CNBD1: variants seen among roughly 807,000 people sequenced by gnomAD.
The protein encoded by CNBD1 is cyclic nucleotide-binding domain-containing protein 1.
In CNBD1, 71 loss-of-function variants were observed where a neutral mutation model predicts 54.4. The ratio of observed to expected loss-of-function variants is 1.30; its 90% CI spans 1.08 to 1.59. The LOEUF (loss-of-function observed/expected upper bound fraction) is 1.59. Ranked by LOEUF, CNBD1 falls within the 40% of genes most tolerant of loss-of-function variation. The pLI is 0.00. For missense variants in CNBD1, 659 were observed against 518.0 expected, an observed-to-expected ratio of 1.27 and a Z score of -2.64; for synonymous variants, 182 against 170.7, an observed-to-expected ratio of 1.07 and a Z score of -0.51.
intron 4 of CNBD1, among the ~76,000 whole-genome samples, chr8:86,999,498 C>T (rs1808948874): frequency 6.6e-6 from 1 of 151,724 alleles, no homozygotes; most frequent in South Asian, 2.1e-4. Flanking sequence ...CTCTTGGCTC[C>T]TGGCTGATTT....
intron 8 of CNBD1, among the ~76,000 whole-genome samples, chr8:87,342,430 C>T (rs1810084243): frequency 6.6e-6 from 1 of 152,104 alleles, no homozygotes; most frequent in Admixed American, 6.5e-5. Flanking sequence ...TCAGTTACTA[C>T]ATTATGAATC....
rs1309402578 is a variant in CNBD1 at position 87,227,403 on chromosome 8, G to A, written c.578-9516G>A. On this transcript the variant is annotated intron_variant, in intron 5 of 10. Transcript: ENST00000518476. ...CCGGTTGTTCCTTTCCATGTTTAGCGCTTCCTTCAGGAGCTCTTTTAGGGC... is the reference window on the plus strand; with the variant it reads ...CCGGTTGTTCCTTTCCATGTTTAGCACTTCCTTCAGGAGCTCTTTTAGGGC... 7.2e-3 allele frequency among the ~76,000 whole-genome samples: 1,074 copies of A among 148,718 alleles called. 20 individuals carry two copies. Among genetic ancestry groups the A allele is most frequent in the Admixed American group, 0.044 (645 of 14,826 alleles).
rs188599622 is a variant in CNBD1, at chr8:87,245,980, C to G, written c.771+8868C>G. On this transcript the variant is annotated intron_variant, in intron 6 of 10. Transcript: ENST00000518476. ...CATTTCATTTAAAGTACAGCAGGTTCTTGGACTAATATCTCATATCCATTG... is the reference window on the plus strand; with the variant it reads ...CATTTCATTTAAAGTACAGCAGGTTGTTGGACTAATATCTCATATCCATTG... 1.1e-3 allele frequency among the ~76,000 whole-genome samples: 171 copies of G among 152,142 alleles called. 5 individuals carry two copies. In the South Asian group the frequency reaches 0.032, roughly 28 times the overall value.
At chr8:87,388,727 G>C (rs1167065014) in intron 2 of CNBD1, among the ~76,000 whole-genome samples, 3 of 152,188 alleles carry the variant, frequency 2.0e-5, no homozygotes, top group Admixed American at 6.5e-5. Context: ...TAGAAAAAGA[G>C]GGAATCCTCC....
chr8:87,090,220 A>G lies in CNBD1; in HGVS notation c.432-115773A>G, dbSNP rs181479030. On this transcript the variant is annotated intron_variant, in intron 4 of 10. Transcript: ENST00000518476. ...GCTATGATTTGAGAATATGCAGGAC[A>G]ATACACGTTTTATAAAGATTCAAAT... Among the ~76,000 whole-genome samples the G allele has an allele frequency of 4.2e-3, 646 of 152,302 alleles. 3 individuals carry two copies. Among genetic ancestry groups the G allele is most frequent in the African/African-American group, 0.015 (615 of 41,570 alleles).
At chr8:87,211,387 A>G (rs1008775308) in intron 5 of CNBD1, among the ~76,000 whole-genome samples, 2 of 152,058 alleles carry the variant, frequency 1.3e-5, no homozygotes, top group Non-Finnish European at 2.9e-5. Context: ...GGATAATTTT[A>G]TTTTGGAATG....
chr8:87,013,220 A>G (rs902902183), intron 4 of CNBD1, among the ~76,000 whole-genome samples: 3 of 152,156 alleles, frequency 2.0e-5, no homozygotes, highest in Non-Finnish European at 2.9e-5. Flanking sequence ...AACGTCCTTG[A>G]TTTATTCTAA....
chr8:87,221,635 G>T (rs1193182761), intron 5 of CNBD1, among the ~76,000 whole-genome samples: 1 of 151,814 alleles, frequency 6.6e-6, no homozygotes, highest in African/African-American at 2.4e-5. Flanking sequence ...CTCATTTAAG[G>T]ATGTTTGCCT....
chr8:86,941,360 T>C (rs1272105990), intron 4 of CNBD1, among the ~76,000 whole-genome samples: 1 of 152,196 alleles, frequency 6.6e-6, no homozygotes, highest in Non-Finnish European at 1.5e-5. Context: ...CTGAAAGTGA[T>C]CTAAGGCATA....
At chr8:86,880,410 T>A (rs1302354318) in intron 1 of CNBD1, among the ~76,000 whole-genome samples, 2 of 152,078 alleles carry the variant, frequency 1.3e-5, no homozygotes, top group African/African-American at 2.4e-5. Context: ...ACTATTTAAA[T>A]AGGATTTATA....
intron 4 of CNBD1, among the ~76,000 whole-genome samples, chr8:87,199,163 G>C (rs1813792137): frequency 6.6e-6 from 1 of 152,212 alleles, no homozygotes; most frequent in Non-Finnish European, 1.5e-5. Flanking sequence ...ATTTCAACAT[G>C]AGATTTGGGC....
intron 4 of CNBD1, among the ~76,000 whole-genome samples, chr8:87,003,631 T>A (rs1034790026): frequency 8.5e-5 from 13 of 152,128 alleles, no homozygotes; most frequent in Admixed American, 5.2e-4. Context: ...TTATTTTTTT[T>A]AAAGAGGGCG....
intron 4 of CNBD1, among the ~76,000 whole-genome samples, chr8:86,943,499 GCT>G (rs1484595353): frequency 6.6e-6 from 1 of 151,710 alleles, no homozygotes. Context: ...CATGTCAGCA[GCT>G]CTGAGTAAAT....
In CNBD1 at chr8:87,371,476, A is replaced by T. The variant is rs542483878; in HGVS notation, c.1304-11144A>T. 3.3e-5 allele frequency among the ~76,000 whole-genome samples: 5 copies of T among 152,052 alleles called. No homozygotes were observed. In the East Asian group the frequency reaches 9.7e-4, roughly 30 times the overall value. Reference sequence around the variant, plus strand: ...GTAATTTGGATTCCTAAGTACTTCTAACTCATTTTATGAGGCCAGCATCAT... The same window carrying T: ...GTAATTTGGATTCCTAAGTACTTCTTACTCATTTTATGAGGCCAGCATCAT... On this transcript the variant is annotated intron_variant, in intron 10 of 10. Coordinates refer to ENST00000518476, the MANE Select transcript of CNBD1 (RefSeq NM_173538.3).
intron 5 of CNBD1, among the ~76,000 whole-genome samples, chr8:87,233,163 A>T (rs888056274): frequency 6.6e-6 from 1 of 152,220 alleles, no homozygotes; most frequent in African/African-American, 2.4e-5. Flanking sequence ...CATGTAGATA[A>T]CTTAGCATGA....
At chr8:86,933,961 C>T (rs1809501418) in intron 3 of CNBD1, among the ~76,000 whole-genome samples, 1 of 152,036 alleles carries the variant, frequency 6.6e-6, no homozygotes, top group African/African-American at 2.4e-5. Context: ...AATGCATGAA[C>T]AGATTCATAG....
intron 3 of CNBD1, among the ~76,000 whole-genome samples, chr8:86,919,835 A>C (rs1157835217): frequency 2.6e-5 from 4 of 152,164 alleles, no homozygotes; most frequent in Non-Finnish European, 1.5e-5. Flanking sequence ...TAATATGTGC[A>C]CAGATCTCCT....
intron 8 of CNBD1, among the ~76,000 whole-genome samples, chr8:87,346,217 T>C (rs1419164020): frequency 6.6e-6 from 1 of 151,922 alleles, no homozygotes; most frequent in Non-Finnish European, 1.5e-5. Flanking sequence ...AATTTTGTAT[T>C]TTTAGTAGAG....
intron 4 of CNBD1, among the ~76,000 whole-genome samples, chr8:86,962,714 A>G (rs1040388890): frequency 2.0e-5 from 3 of 152,036 alleles, no homozygotes; most frequent in African/African-American, 4.8e-5. Context: ...TGAACCTGGG[A>G]GGAAGAGCTT....
Sources: allele counts gnomAD v4.1 joint callset (sites outside exome capture counted in the v4.1 genomes callset), GRCh38; gene constraint gnomAD v4.1.1; transcripts MANE v1.5; gene names NCBI Gene and HGNC (gene_info 2026-07-23, HGNC 2026-07-21).